Variants in MCTP2 observed in about 807,000 individuals in gnomAD.
MCTP2 encodes multiple C2 and transmembrane domain containing 2, also known as multiple C2 and transmembrane domain-containing protein 2.
MCTP2 carries 132 observed loss-of-function variants against 111.6 expected under a neutral mutation model. The ratio of observed to expected loss-of-function variants is 1.18; its 90% CI spans 1.03 to 1.37. The LOEUF (loss-of-function observed/expected upper bound fraction) is 1.37. Among genes scored for constraint, MCTP2 ranks in the 40% most tolerant of loss-of-function variants. MCTP2 has a pLI of 0.00. For missense variants in MCTP2, 1,183 were observed against 1,067.9 expected (o/e 1.11, Z -1.50); for synonymous variants, 395 against 387.7 (o/e 1.02, Z -0.22).
intron 2 of MCTP2, among the ~76,000 whole-genome samples, chr15:94,300,232 G>A (rs1397193995): frequency 6.6e-6 from 1 of 152,100 alleles, no homozygotes; most frequent in East Asian, 1.9e-4. Flanking sequence ...TCATGGCCGG[G>A]CACGGTGGCT....
intron 8 of MCTP2, among the ~76,000 whole-genome samples, chr15:94,350,509 G>A (rs765773955): frequency 2.6e-5 from 4 of 152,172 alleles, no homozygotes; most frequent in East Asian, 1.9e-4. Flanking sequence ...GGCAGATGTC[G>A]CAGTGAGCTG....
intron 17 of MCTP2, among the ~76,000 whole-genome samples, chr15:94,409,216 T>G (rs1317168381): frequency 1.3e-5 from 2 of 152,112 alleles, no homozygotes; most frequent in Non-Finnish European, 2.9e-5. Flanking sequence ...AAACAGAGAC[T>G]GGCCTGGCCT....
chr15:94,440,909 A>T (rs2083744612), intron 18 of MCTP2, among the ~76,000 whole-genome samples: 1 of 151,270 alleles, frequency 6.6e-6, no homozygotes, highest in Non-Finnish European at 1.5e-5. Flanking sequence ...TCTCACTTCC[A>T]CTCTGACTCT....
intron 19 of MCTP2, among the ~76,000 whole-genome samples, chr15:94,443,734 A>G (rs1317967451): frequency 6.6e-6 from 1 of 152,168 alleles, no homozygotes; most frequent in Non-Finnish European, 1.5e-5. Flanking sequence ...GGTTTTGCCC[A>G]TTTGAAGCAA....
chr15:94,451,100 A>G (rs2084423585), intron 19 of MCTP2, among the ~76,000 whole-genome samples: 1 of 152,254 alleles, frequency 6.6e-6, no homozygotes, highest in Non-Finnish European at 1.5e-5. Context: ...TTGTGTTACA[A>G]CACAGACACA....
intron 17 of MCTP2, chr15:94,403,159 C>T (rs2081691973): frequency 1.0e-6 from 1 of 985,736 alleles, no homozygotes; most frequent in Non-Finnish European, 1.2e-6. Flanking sequence ...GTGTAGAGGA[C>T]CTATGCTGCC....
At chr15:94,408,619 T>C (rs1435791814) in intron 17 of MCTP2, among the ~76,000 whole-genome samples, 1 of 152,214 alleles carries the variant, frequency 6.6e-6, no homozygotes, top group Non-Finnish European at 1.5e-5. Context: ...AATTATGCAA[T>C]TTAATAAAAT....
chr15:94,372,529 G>A (rs758597384), intron 12 of MCTP2, among the ~76,000 whole-genome samples: 26 of 152,266 alleles, frequency 1.7e-4, no homozygotes, highest in Middle Eastern at 3.4e-3. Flanking sequence ...CGTGGCCTAC[G>A]GTGGGGATCA....
rs1276026390 is a variant in MCTP2 at position 94,390,086 on chromosome 15, ATATG to A, written c.1788+4565_1788+4568del. Among the ~76,000 whole-genome samples, 57 of 8,328 alleles carry A rather than the reference ATATG, an allele frequency of 6.8e-3. 1 individual carries two copies. The highest frequency in any genetic ancestry group is 0.038 in the East Asian group (4 of 106). 5.5% of individuals were successfully genotyped at this position (8,328 alleles called of 152,430 possible). On this transcript the variant is annotated intron_variant, in intron 14 of 22. Transcript: ENST00000357742. The stretch of plus-strand genomic sequence containing the variant: ...TATATATATATATATATATATATAT[ATATG>A]TATATATATATATATATATATATGT...
rs371978204 is a variant in MCTP2 at position 94,442,919 on chromosome 15, G to A, written c.2209G>A (p.Glu737Lys). The A allele has an allele frequency of 5.1e-5, 83 of 1,613,118 alleles. No individual in the cohort carries two copies. Among genetic ancestry groups the A allele is most frequent in the Non-Finnish European group, 6.9e-5 (81 of 1,179,514 alleles). The change falls in exon 19 of 23, where the codon GAG (glutamate) becomes AAG (lysine). Residue 737 changes from glutamate (E) to lysine (K), a missense_variant and splice_region_variant. Glu to Lys is a moderately conservative substitution (Grantham distance 56, BLOSUM62 1). Transcript: ENST00000357742. ...ATAAACACGTGGGATTTCCTTTCAG[G>A]AGAGCACAGACATAGATGACGAGGA... ...GKVSSIQDSQ[E>K]STDIDDEEDE... is the part of the protein sequence containing the mutation.
In MCTP2 at chr15:94,319,309, C is replaced by T. The variant is rs1251279472; in HGVS notation, c.637+3672C>T. On this transcript the variant is annotated intron_variant, in intron 4 of 22. Transcript: ENST00000357742. The stretch of plus-strand genomic sequence containing the variant: ...TGCTCCCTCACTCCTGCCTCCTTTG[C>T]CTAGGTACAGCGTCACTTTTCAATA... Among the ~76,000 whole-genome samples, 8 of 152,266 alleles carry T rather than the reference C, an allele frequency of 5.3e-5. No individual in the cohort carries two copies. In the East Asian group the frequency reaches 1.2e-3, roughly 22 times the overall value.
chr15:94,398,582 C>T (rs1453944804), intron 14 of MCTP2, among the ~76,000 whole-genome samples: 1 of 152,222 alleles, frequency 6.6e-6, no homozygotes, highest in East Asian at 1.9e-4. Flanking sequence ...TCCTTAGACT[C>T]TTCTAATCTG....
chr15:94,314,380 T>C (rs770394733), intron 3 of MCTP2, 36 bp downstream of exon 3: 1 of 1,434,248 alleles, frequency 7.0e-7, no homozygotes. Flanking sequence ...CATTAAATGT[T>C]GTAGATATTT....
intron 2 of MCTP2, among the ~76,000 whole-genome samples, chr15:94,311,685 G>A (rs1393910535): frequency 6.6e-6 from 1 of 152,146 alleles, no homozygotes; most frequent in Admixed American, 6.5e-5. Context: ...TGACTTTTCT[G>A]TGAGTAAAAC....
chr15:94,332,600 T>C (rs187232064), intron 4 of MCTP2, among the ~76,000 whole-genome samples: 136 of 152,340 alleles, frequency 8.9e-4, no homozygotes, highest in Non-Finnish European at 1.2e-3. Context: ...TTATCAGATA[T>C]TCGAAAATGT....
At chr15:94,341,680 C>A (rs906672434) in intron 7 of MCTP2, 1 of 151,996 alleles carries the variant, frequency 6.6e-6, no homozygotes. Flanking sequence ...TGATGAAAAC[C>A]GTGATTGATT....
chr15:94,366,186 A>G (rs1019917792), intron 10 of MCTP2, among the ~76,000 whole-genome samples: 1 of 152,212 alleles, frequency 6.6e-6, no homozygotes, highest in Admixed American at 6.5e-5. Context: ...AAGCTTCCCT[A>G]TTGATACAGA....
intron 8 of MCTP2, among the ~76,000 whole-genome samples, chr15:94,352,366 C>T (rs1322077961): frequency 6.6e-6 from 1 of 152,116 alleles, no homozygotes; most frequent in East Asian, 1.9e-4. Context: ...AGCCAGTGTG[C>T]CTTAAGTGGA....
intron 14 of MCTP2, among the ~76,000 whole-genome samples, chr15:94,385,934 A>T (rs2080444646): frequency 2.0e-5 from 3 of 152,186 alleles, no homozygotes; most frequent in South Asian, 4.1e-4. Context: ...GTAACTGCAC[A>T]TTTGTTCTCA....
Sources: allele counts gnomAD v4.1 joint callset (sites outside exome capture counted in the v4.1 genomes callset), GRCh38; gene constraint gnomAD v4.1.1; transcripts MANE v1.5; gene names NCBI Gene and HGNC (gene_info 2026-07-23, HGNC 2026-07-21).